Variants in FRMPD1 observed in about 807,000 individuals in gnomAD.
FRMPD1 encodes the protein FERM and PDZ domain-containing protein 1.
Under a neutral mutation model 117.8 loss-of-function variants are expected in FRMPD1, and 76 were observed. The ratio of observed to expected loss-of-function variants is 0.65; its 90% CI spans 0.54 to 0.78. The LOEUF (loss-of-function observed/expected upper bound fraction) is 0.78, where lower values mean the gene tolerates loss of function less well. FRMPD1 is among the 30% of genes least tolerant of loss of function. The probability of loss-of-function intolerance (pLI) is 0.00; values close to 1 mark genes in which losing one functional copy is unlikely to be tolerated. For missense variants in FRMPD1, 1,786 were observed against 1,964.5 expected (o/e 0.91, Z 1.72); for synonymous variants, 783 against 770.4 (o/e 1.02, Z -0.27).
upstream of FRMPD1, among the ~76,000 whole-genome samples, chr9:37,649,577 G>A (rs746126905): frequency 6.6e-6 from 1 of 152,220 alleles, no homozygotes; most frequent in African/African-American, 2.4e-5. Flanking sequence ...ATTTGGAAAT[G>A]AAGGTCACAA....
rs780248862 is a variant in FRMPD1, at chr9:37,746,504, G to A, written c.4472G>A (p.Arg1491His). 71 of 1,613,540 alleles carry A rather than the reference G, an allele frequency of 4.4e-5. No homozygotes were observed. Among genetic ancestry groups the A allele is most frequent in the South Asian group, 1.2e-4 (11 of 91,094 alleles). ...QSPEEMQGAV[R>H]DTFQHLVQLA... Reference sequence around the variant, plus strand: ...CCCGAAGAGATGCAGGGGGCCGTGCGTGACACCTTCCAGCACCTGGTCCAG... The same window carrying A: ...CCCGAAGAGATGCAGGGGGCCGTGCATGACACCTTCCAGCACCTGGTCCAG... Residue 1491 changes from arginine to histidine, a missense_variant, in exon 16 of 16, where the codon CGT (arginine) becomes CAT (histidine). Physicochemically the swap from Arg to His is conservative, Grantham distance 29 (BLOSUM62 0). Coordinates refer to ENST00000377765, the MANE Select transcript of FRMPD1 (RefSeq NM_014907.3).
the FRMPD1 span, among the ~76,000 whole-genome samples, chr9:37,642,560 T>C: frequency 6.6e-6 from 1 of 152,226 alleles, no homozygotes; most frequent in Non-Finnish European, 1.5e-5. Context: ...GATAAACCGC[T>C]TAGAACAGTG....
intron 5 of FRMPD1, 66 bp downstream of exon 5, chr9:37,711,461 A>G: frequency 8.4e-7 from 1 of 1,191,246 alleles, no homozygotes; most frequent in Non-Finnish European, 1.3e-6. Context: ...CTGTTCCCCC[A>G]GAGGATATCC....
At chr9:37,695,045 AGAT>A (rs1218610573) in intron 2 of FRMPD1, among the ~76,000 whole-genome samples, 2 of 152,066 alleles carry the variant, frequency 1.3e-5, no homozygotes, top group East Asian at 1.9e-4. Flanking sequence ...ATAGATAGAT[AGAT>A]ATGTCTGTGA....
chr9:37,663,647 C>A (rs1243656368), intron 1 of FRMPD1, among the ~76,000 whole-genome samples: 1 of 152,144 alleles, frequency 6.6e-6, no homozygotes, highest in Non-Finnish European at 1.5e-5. Flanking sequence ...CTTTGCCTCT[C>A]CTGGTTTCTC....
chr9:37,703,648 C>A (rs1238190405), intron 2 of FRMPD1, among the ~76,000 whole-genome samples: 1 of 152,118 alleles, frequency 6.6e-6, no homozygotes, highest in African/African-American at 2.4e-5. Context: ...GTTTTCATCC[C>A]CCACAAAGGA....
In FRMPD1 at chr9:37,707,398, A is replaced by G. The variant is rs776607210; in HGVS notation, c.102-18A>G. 4 of 1,609,312 alleles carry G rather than the reference A, an allele frequency of 2.5e-6. No individual in the cohort carries two copies. Among genetic ancestry groups the G allele is most frequent in the South Asian group, 2.2e-5 (2 of 90,394 alleles). On this transcript the variant is annotated intron_variant, in intron 2 of 15. Coordinates refer to ENST00000377765, the MANE Select transcript of FRMPD1 (RefSeq NM_014907.3). ...AGAGTCTTCTCTTTCTCTTTTTTAC[A>G]TACTCCTTCTCTTCCAGGGCTAAAG...
the FRMPD1 span, among the ~76,000 whole-genome samples, chr9:37,638,701 T>C: frequency 2.6e-5 from 4 of 152,212 alleles, no homozygotes; most frequent in African/African-American, 9.6e-5. Context: ...TTTCAACTGG[T>C]GGGCTTACTA....
At chr9:37,735,825 T>C in intron 13 of FRMPD1, 91 bp downstream of exon 13, 1 of 812,540 alleles carries the variant, frequency 1.2e-6, no homozygotes, top group South Asian at 1.8e-5. Context: ...TAAATAATAA[T>C]AAAGTCTAAT....
intron 1 of FRMPD1, among the ~76,000 whole-genome samples, chr9:37,680,298 G>C (rs1821681948): frequency 6.6e-6 from 1 of 152,176 alleles, no homozygotes; most frequent in Non-Finnish European, 1.5e-5. Context: ...CCGAAGGCTT[G>C]TCTTTGTACC....
At chr9:37,645,922 G>T in the FRMPD1 span, among the ~76,000 whole-genome samples, 12 of 152,254 alleles carry the variant, frequency 7.9e-5, no homozygotes, top group African/African-American at 2.6e-4. Flanking sequence ...AGGGAACATT[G>T]GTTGTCATCA....
At chr9:37,725,138 C>A (rs922225719) in intron 7 of FRMPD1, among the ~76,000 whole-genome samples, 2 of 152,212 alleles carry the variant, frequency 1.3e-5, no homozygotes, top group African/African-American at 2.4e-5. Flanking sequence ...GGGGCACAGG[C>A]TGTTTTCTTG....
At chr9:37,627,446 C>A in the FRMPD1 span, among the ~76,000 whole-genome samples, 1 of 152,172 alleles carries the variant, frequency 6.6e-6, no homozygotes, top group African/African-American at 2.4e-5. Flanking sequence ...CATCTCCAGT[C>A]ATTGTTGAGA....
At chr9:37,636,806 A>T in the FRMPD1 span, 3 of 1,612,026 alleles carry the variant, frequency 1.9e-6, no homozygotes, top group Non-Finnish European at 2.5e-6. Flanking sequence ...AGCCATGGTC[A>T]TGAACGCCTG....
chr9:37,660,789 T>C (rs1820978777), intron 1 of FRMPD1, among the ~76,000 whole-genome samples: 1 of 152,100 alleles, frequency 6.6e-6, no homozygotes, highest in Non-Finnish European at 1.5e-5. Flanking sequence ...CCTTCCCCAC[T>C]TGACTGTGAG....
chr9:37,680,719 A>G (rs974859333), intron 1 of FRMPD1, among the ~76,000 whole-genome samples: 3 of 152,202 alleles, frequency 2.0e-5, no homozygotes, highest in African/African-American at 7.2e-5. Context: ...TGAAAGGCTC[A>G]GAGAACCTAG....
rs767558515 is a variant in FRMPD1, at chr9:37,740,356, G to T, written c.1828G>T (p.Asp610Tyr). The change falls in exon 15 of 16, where the codon GAC (aspartate) becomes TAC (tyrosine). Residue 610 changes from aspartate to tyrosine, a missense_variant. Transcript: ENST00000377765. This position sits in a 1 kb window ranked among gnomAD's most constrained non-coding sequence, Gnocchi z 4.2. ...YRTSGSSESM[D>Y]ALEEDDLDTC... The stretch of plus-strand genomic sequence containing the variant: ...GACCAGTGGCTCGAGTGAGTCCATG[G>T]ACGCTCTGGAAGAGGATGACTTAGA... 3.1e-6 allele frequency: 5 copies of T among 1,613,708 alleles called. No individual in the cohort carries two copies. The East Asian group carries it at 1.1e-4, about 36-fold the overall frequency.
At chr9:37,631,747 G>T in the FRMPD1 span, among the ~76,000 whole-genome samples, 1 of 152,086 alleles carries the variant, frequency 6.6e-6, no homozygotes, top group Non-Finnish European at 1.5e-5. Context: ...GGGACTGCAG[G>T]CGCATGCCAC....
At chr9:37,626,919 G>A in the FRMPD1 span, among the ~76,000 whole-genome samples, 1 of 152,078 alleles carries the variant, frequency 6.6e-6, no homozygotes, top group Non-Finnish European at 1.5e-5. Context: ...TTTGAAGTTC[G>A]AGCAGTACTG....
Sources: allele counts gnomAD v4.1 joint callset (sites outside exome capture counted in the v4.1 genomes callset), GRCh38; gene constraint gnomAD v4.1.1; non-coding constraint Gnocchi (gnomAD v3.1); transcripts MANE v1.5; gene names NCBI Gene and HGNC (gene_info 2026-07-23, HGNC 2026-07-21).